The following AKR1E2 variants were observed in gnomAD, a reference collection of about 807,000 sequenced individuals.
AKR1E2 encodes aldo-keto reductase family 1 member E2.
A neutral mutation model predicts 41.9 loss-of-function variants in AKR1E2; 43 were observed. The observed-to-expected ratio is 1.03, with a 90% CI of 0.80 to 1.32. The LOEUF (loss-of-function observed/expected upper bound fraction) is 1.32. Among genes scored for constraint, AKR1E2 ranks in the 40% most tolerant of loss-of-function variants. The pLI is 0.00. For missense variants in AKR1E2, 423 were observed against 396.5 expected, an observed-to-expected ratio of 1.07 and a Z score of -0.57; for synonymous variants, 121 against 138.9, an observed-to-expected ratio of 0.87 and a Z score of 0.91.
chr10:4,867,637 G>A, the AKR1E2 span, among the ~76,000 whole-genome samples: 122 of 152,292 alleles, frequency 8.0e-4, 2 homozygotes, highest in East Asian at 0.019. Context: ...TATTTTCATT[G>A]CTGAGTAGGA....
upstream of AKR1E2, chr10:4,824,991 C>G: frequency 2.2e-6 from 1 of 455,562 alleles, no homozygotes; most frequent in Middle Eastern, 3.3e-4. Context: ...AAGGCCCATG[C>G]AGGTCATTTT....
chr10:4,837,728 G>A, intron 5 of AKR1E2, 147 bp downstream of exon 5: 1 of 1,316,218 alleles, frequency 7.6e-7, no homozygotes, highest in Non-Finnish European at 1.0e-6. Context: ...GGTGATTAAA[G>A]GCAGCAGCTA....
chr10:4,866,989 T>A, the AKR1E2 span, among the ~76,000 whole-genome samples: 52 of 152,178 alleles, frequency 3.4e-4, 1 homozygote, highest in Admixed American at 9.8e-4. Flanking sequence ...TCCAGCTGCA[T>A]GACTCCTCAA....
intron 4 of AKR1E2, among the ~76,000 whole-genome samples, chr10:4,837,218 T>G (rs983099166): frequency 6.6e-6 from 1 of 152,212 alleles, no homozygotes; most frequent in Non-Finnish European, 1.5e-5. Context: ...TGTAGACCTG[T>G]CCTGAAGCTG....
At chr10:4,871,813 C>T in the AKR1E2 span, 32 of 152,238 alleles carry the variant, frequency 2.1e-4, no homozygotes, top group African/African-American at 7.5e-4. Context: ...CTGGAATAAA[C>T]TAGAAAACTT....
rs1348280105 is a variant in AKR1E2, at chr10:4,826,284, GC to G, written c.-40del. 10 of 1,229,308 alleles carry G rather than the reference GC, an allele frequency of 8.1e-6. No individual in the cohort carries two copies. The East Asian group carries it at 2.8e-4, about 35-fold the overall frequency. 76.2% of individuals were successfully genotyped at this position (1,229,308 alleles called of 1,614,324 possible). On this transcript the variant is annotated 5_prime_UTR_variant, in exon 1 of 10. Transcript: ENST00000298375. ...GCTCGCGCGGTGCCTGTCGGTAGTCGCGTGCGGGGCGGCGGGGCGGCGGGGC... is the reference window on the plus strand; with the variant it reads ...GCTCGCGCGGTGCCTGTCGGTAGTCGGTGCGGGGCGGCGGGGCGGCGGGGC...
At chr10:4,828,232 G>A (rs1833862723) in intron 1 of AKR1E2, among the ~76,000 whole-genome samples, 1 of 152,134 alleles carries the variant, frequency 6.6e-6, no homozygotes, top group South Asian at 2.1e-4. Flanking sequence ...GATGGTTGGG[G>A]CTACTCCACT....
chr10:4,825,165 G>C (rs995623070), upstream of AKR1E2: 5 of 353,480 alleles, frequency 1.4e-5, no homozygotes, highest in African/African-American at 8.3e-5. Flanking sequence ...TGGGAGGCAG[G>C]GGGACACCCA....
At chr10:4,865,160 A>C in the AKR1E2 span, among the ~76,000 whole-genome samples, 1 of 152,216 alleles carries the variant, frequency 6.6e-6, no homozygotes, top group African/African-American at 2.4e-5. Flanking sequence ...TAAACAAATT[A>C]AAAGTCAAAT....
the AKR1E2 span, among the ~76,000 whole-genome samples, chr10:4,859,771 T>C: frequency 1.3e-5 from 2 of 152,358 alleles, no homozygotes; most frequent in South Asian, 4.1e-4. Context: ...AAAGAATGGC[T>C]TACGTTACAT....
intron 8 of AKR1E2, among the ~76,000 whole-genome samples, chr10:4,843,992 A>G (rs1393871592): frequency 6.6e-6 from 1 of 152,152 alleles, no homozygotes; most frequent in Admixed American, 6.5e-5. Flanking sequence ...GGTCTCTTGT[A>G]GTGGTTAGAA....
intron 4 of AKR1E2, among the ~76,000 whole-genome samples, chr10:4,836,574 T>G (rs1833442403): frequency 6.6e-6 from 1 of 152,046 alleles, no homozygotes. Context: ...GCTTGCTGGG[T>G]GAAGCTCTCC....
the AKR1E2 span, among the ~76,000 whole-genome samples, chr10:4,855,737 G>T: frequency 6.6e-6 from 1 of 152,204 alleles, no homozygotes; most frequent in African/African-American, 2.4e-5. Context: ...TTTAGTTCAT[G>T]TGACTTAAGT....
At chr10:4,856,947 G>T in the AKR1E2 span, among the ~76,000 whole-genome samples, 3 of 152,150 alleles carry the variant, frequency 2.0e-5, no homozygotes, top group South Asian at 6.2e-4. Flanking sequence ...CACTTCCAGA[G>T]TATTTTCATC....
At chr10:4,861,985 T>C in the AKR1E2 span, among the ~76,000 whole-genome samples, 1 of 152,228 alleles carries the variant, frequency 6.6e-6, no homozygotes, top group Non-Finnish European at 1.5e-5. Flanking sequence ...TTTTGGTGTT[T>C]TAGACATGAA....
intron 5 of AKR1E2, among the ~76,000 whole-genome samples, chr10:4,838,031 C>T (rs1207964452): frequency 2.0e-5 from 3 of 152,190 alleles, no homozygotes; most frequent in Non-Finnish European, 4.4e-5. Flanking sequence ...AGAGAAAAGA[C>T]TTGTGGGGAA....
At chr10:4,865,237 G>C in the AKR1E2 span, among the ~76,000 whole-genome samples, 1 of 152,062 alleles carries the variant, frequency 6.6e-6, no homozygotes, top group Non-Finnish European at 1.5e-5. Flanking sequence ...ACGTAAAACA[G>C]ATCTTTTAAA....
Position 4,842,412 on chromosome 10 carries a change from T to A in AKR1E2, c.754-9T>A. ...TTTGTGTGATAGTAGACTTTTTGTT[T>A]CCTTGCAGATTTTGATCCGATTTCA... On this transcript the variant is annotated splice_polypyrimidine_tract_variant and intron_variant, in intron 7 of 9. Coordinates refer to ENST00000298375, the MANE Select transcript of AKR1E2 (RefSeq NM_001040177.3). The A allele has an allele frequency of 6.2e-7, 1 of 1,613,784 alleles. No individual in the cohort carries two copies. Among genetic ancestry groups the A allele is most frequent in the South Asian group, 1.1e-5 (1 of 91,054 alleles).
At chr10:4,872,696 G>A in the AKR1E2 span, among the ~76,000 whole-genome samples, 3 of 151,952 alleles carry the variant, frequency 2.0e-5, no homozygotes, top group Admixed American at 2.0e-4. Flanking sequence ...ACTAGTTTAA[G>A]AACAAAAACA....
Sources: gnomAD v4.1 joint callset for allele counts (sites outside exome capture counted in the v4.1 genomes callset) on GRCh38, gnomAD v4.1.1 for gene constraint, MANE v1.5 for transcripts, NCBI Gene and HGNC (gene_info 2026-07-23, HGNC 2026-07-21) for gene names.